WASHC2A: variants seen among roughly 807,000 people sequenced by gnomAD.
WASHC2A encodes WASH complex subunit FAM21A.
WASHC2A carries 82 observed loss-of-function variants against 140.3 expected under a neutral mutation model. That is an observed-to-expected ratio of 0.58 (90% CI 0.49 to 0.70). The LOEUF is 0.70. Among genes scored for constraint, WASHC2A ranks in the 30% least tolerant of loss-of-function variants. The pLI is 0.00. For synonymous variants in WASHC2A, 340 were observed against 560.8 expected (o/e 0.61, Z 5.56); for missense variants, 985 against 1,521.8 (o/e 0.65, Z 5.87).
intron 30 of WASHC2A, among the ~76,000 whole-genome samples, chr10:50,131,970 GAT>G (rs1199599457): frequency 6.6e-6 from 1 of 152,222 alleles, no homozygotes; most frequent in African/African-American, 2.4e-5. Flanking sequence ...CAGACACAGT[GAT>G]ATTAATATAT....
intron 23 of WASHC2A, among the ~76,000 whole-genome samples, 198 bp from the exon 24 acceptor site, chr10:50,124,915 A>AT (rs1363128512): frequency 6.6e-6 from 1 of 150,632 alleles, no homozygotes; most frequent in Non-Finnish European, 1.5e-5. Flanking sequence ...ATTTTCTGGT[A>AT]TTTTTGGAAG....
intron 15 of WASHC2A, among the ~76,000 whole-genome samples, chr10:50,097,347 G>A (rs1840582898): frequency 6.6e-6 from 1 of 151,420 alleles, no homozygotes; most frequent in African/African-American, 2.4e-5. Flanking sequence ...TGACTTGGTG[G>A]CCCTCTTAAA....
At chr10:50,082,513 A>C in intron 5 of WASHC2A, among the ~76,000 whole-genome samples, 1 of 136,868 alleles carries the variant, frequency 7.3e-6, no homozygotes, top group African/African-American at 2.6e-5. Flanking sequence ...ACAGAGTTTC[A>C]CTCTTGTTGC....
chr10:50,132,795 T>C lies in WASHC2A; in HGVS notation c.3887-11T>C, dbSNP rs1844101238. 5.0e-6 allele frequency: 8 copies of C among 1,612,058 alleles called. No individual in the cohort carries two copies. Among genetic ancestry groups the C allele is most frequent in the Non-Finnish European group, 6.8e-6 (8 of 1,179,872 alleles). The stretch of plus-strand genomic sequence containing the variant: ...CTCTTCAGCAACCGTTCTTCTTTTT[T>C]CTTTCTAAAGATGACATCTTCTCCT... On this transcript the variant is annotated splice_polypyrimidine_tract_variant and intron_variant, in intron 30 of 30. Coordinates refer to ENST00000282633, the MANE Select transcript of WASHC2A (RefSeq NM_001005751.3).
chr10:50,094,097 A>C (rs1447493639), intron 13 of WASHC2A, among the ~76,000 whole-genome samples, 180 bp downstream of exon 13: 5 of 152,084 alleles, frequency 3.3e-5, no homozygotes, highest in Admixed American at 3.3e-4. Context: ...TGGAAAAAAC[A>C]GTACCATCTG....
In WASHC2A at chr10:50,127,619, A is replaced by G; in HGVS notation, c.2911A>G (p.Thr971Ala). Residue 971 changes from threonine to alanine, a missense_variant, in exon 28 of 31, where the codon ACA becomes GCA. Coordinates refer to ENST00000282633, the MANE Select transcript of WASHC2A (RefSeq NM_001005751.3). ...GATCAACCCAGCGGCCTTGCTGCCC[A>G]CAGCGGCTTCCCAGATCTCTGAAGT... ...LAINPAALLPTAASQISEVKP... is the reference protein window; with the variant it reads ...LAINPAALLPAAASQISEVKP... 1.9e-6 allele frequency: 3 copies of G among 1,609,488 alleles called. No homozygotes were observed. The highest frequency in any genetic ancestry group is 2.3e-4 in the Middle Eastern group (1 of 4,428).
intron 18 of WASHC2A, among the ~76,000 whole-genome samples, chr10:50,105,292 G>A (rs1841646796): frequency 1.3e-5 from 2 of 150,852 alleles, no homozygotes; most frequent in East Asian, 3.9e-4. Flanking sequence ...GCGGTGGTGA[G>A]CTCAAAGGCT....
At chr10:50,103,524 C>T (rs1417070824) in intron 17 of WASHC2A, among the ~76,000 whole-genome samples, 74 of 152,082 alleles carry the variant, frequency 4.9e-4, no homozygotes, top group African/African-American at 1.7e-3. Flanking sequence ...TGCACCACTG[C>T]ACTGCAGCCT....
At chr10:50,100,187 A>G (rs1199102155) in intron 17 of WASHC2A, 123 bp downstream of exon 17, 1 of 1,488,748 alleles carries the variant, frequency 6.7e-7, no homozygotes, top group African/African-American at 1.4e-5. Context: ...AGTTCTTTAA[A>G]AATTATCTCT....
At chr10:50,109,396 A>G (rs1554889543) in intron 19 of WASHC2A, among the ~76,000 whole-genome samples, 2 of 152,080 alleles carry the variant, frequency 1.3e-5, no homozygotes, top group East Asian at 1.9e-4. Context: ...AATCTGCTTT[A>G]GGATTTTTAG....
Position 50,112,089 on chromosome 10 carries a change from G to T in WASHC2A, c.2040-1806G>T, listed in dbSNP as rs1339406713. On this transcript the variant is annotated intron_variant, in intron 20 of 30. Transcript: ENST00000282633. ...AAAGAGAAGAAGTAGGGAGTCGAGG[G>T]CGGTCATGGCTCCACCTTCATACCC... 5.1e-6 allele frequency: 5 copies of T among 985,100 alleles called. No individual in the cohort carries two copies. In the African/African-American group the frequency reaches 8.7e-5, roughly 17 times the overall value. 61.0% of individuals were successfully genotyped at this position (985,100 alleles called of 1,614,324 possible).
chr10:50,089,240 C>T (rs1212797484), intron 8 of WASHC2A, among the ~76,000 whole-genome samples: 1 of 140,440 alleles, frequency 7.1e-6, no homozygotes, highest in Admixed American at 7.5e-5. Context: ...GTTGGGATTA[C>T]AGGCGTGAGC....
intron 3 of WASHC2A, among the ~76,000 whole-genome samples, chr10:50,076,897 C>T (rs1315238766): frequency 6.6e-6 from 1 of 150,956 alleles, no homozygotes; most frequent in Non-Finnish European, 1.5e-5. Flanking sequence ...GTGGGCGAAT[C>T]ACGAGGTCAG....
At chr10:50,097,889 C>A (rs1391094381) in intron 16 of WASHC2A, 87 bp downstream of exon 16, 139 of 1,596,720 alleles carry the variant, frequency 8.7e-5, no homozygotes, top group Admixed American at 5.2e-5. Context: ...GTGCTGTTCC[C>A]TTTCACGTTC....
At chr10:50,094,469 C>A (rs1278641387) in intron 13 of WASHC2A, among the ~76,000 whole-genome samples, 30 of 151,160 alleles carry the variant, frequency 2.0e-4, no homozygotes, top group African/African-American at 3.2e-4. Context: ...CACCTGTCCC[C>A]TTGGTGCAGT....
chr10:50,102,257 T>A (rs1205425711), intron 17 of WASHC2A, among the ~76,000 whole-genome samples: 7 of 152,208 alleles, frequency 4.6e-5, no homozygotes, highest in Non-Finnish European at 8.8e-5. Context: ...GAGTTAAAGC[T>A]TTGGACCCGA....
intron 5 of WASHC2A, among the ~76,000 whole-genome samples, chr10:50,081,212 C>T (rs1258946318): frequency 8.1e-6 from 1 of 123,172 alleles, no homozygotes. Context: ...GACATACATA[C>T]GAATAACCGT....
At chr10:50,098,830 A>G (rs1431113775) in intron 16 of WASHC2A, among the ~76,000 whole-genome samples, 3 of 148,776 alleles carry the variant, frequency 2.0e-5, no homozygotes, top group African/African-American at 7.5e-5. Flanking sequence ...AGTTTTGGCA[A>G]GAATACAAGC....
chr10:50,075,234 TG>T (rs1274087191), intron 3 of WASHC2A, among the ~76,000 whole-genome samples: 1 of 151,370 alleles, frequency 6.6e-6, no homozygotes, highest in African/African-American at 2.4e-5. Context: ...ATTTCATAAA[TG>T]TTTCATAAAT....
Sources: allele counts gnomAD v4.1 joint callset (sites outside exome capture counted in the v4.1 genomes callset), GRCh38; gene constraint gnomAD v4.1.1; transcripts MANE v1.5; gene names NCBI Gene and HGNC (gene_info 2026-07-23, HGNC 2026-07-21).